Variants in DIP2C observed in about 807,000 individuals in gnomAD.
DIP2C encodes DIP2 acetate--CoA ligase C (putative), also known as disco-interacting protein 2 homolog C.
In DIP2C, 33 loss-of-function variants were observed where a neutral mutation model predicts 192.4. That is an observed-to-expected ratio of 0.17 (90% confidence interval 0.13 to 0.23). The LOEUF (loss-of-function observed/expected upper bound fraction) is 0.23. DIP2C is among the 10% of genes least tolerant of loss of function. The pLI is 1.00. For synonymous variants in DIP2C, 979 were observed against 864.1 expected (o/e 1.13, Z -2.33); for missense variants, 1,537 against 2,110.1 (o/e 0.73, Z 5.32).
At chr10:419,994 G>A (rs986347333) in intron 5 of DIP2C, among the ~76,000 whole-genome samples, 1 of 152,180 alleles carries the variant, frequency 6.6e-6, no homozygotes, top group Admixed American at 6.5e-5. Flanking sequence ...GATGACGCCC[G>A]TCACACCCAG....
At chr10:528,903 T>A (rs765302532) in intron 1 of DIP2C, among the ~76,000 whole-genome samples, 3 of 152,136 alleles carry the variant, frequency 2.0e-5, no homozygotes, top group African/African-American at 4.8e-5. Context: ...GGTCCCCACA[T>A]GAACAGAACC....
intron 3 of DIP2C, among the ~76,000 whole-genome samples, chr10:464,013 T>TA (rs1970005010): frequency 6.6e-6 from 1 of 152,214 alleles, no homozygotes; most frequent in South Asian, 2.1e-4. Flanking sequence ...TTTAAAAACT[T>TA]AAACGTAAGA....
chr10:590,966 C>G (rs534204124), intron 1 of DIP2C, among the ~76,000 whole-genome samples: 1 of 152,270 alleles, frequency 6.6e-6, no homozygotes, highest in Admixed American at 6.5e-5. Context: ...GTTCTTCTGC[C>G]GGTGGCAAGG....
intron 1 of DIP2C, among the ~76,000 whole-genome samples, chr10:677,928 G>C (rs959144490): frequency 1.1e-4 from 17 of 152,240 alleles, no homozygotes; most frequent in Admixed American, 5.2e-4. Flanking sequence ...GCGTGGTCCA[G>C]TGCATGAGGA....
chr10:620,242 GT>G (rs1853771214), intron 1 of DIP2C, among the ~76,000 whole-genome samples: 1 of 152,150 alleles, frequency 6.6e-6, no homozygotes, highest in Non-Finnish European at 1.5e-5. Flanking sequence ...TTATGGGAGT[GT>G]TTCTTGTTCT....
At chr10:364,140 G>A (rs1405303960) in intron 20 of DIP2C, among the ~76,000 whole-genome samples, 2 of 152,186 alleles carry the variant, frequency 1.3e-5, no homozygotes, top group African/African-American at 4.8e-5. Flanking sequence ...ATTATACTTA[G>A]AGGGGAAGTT....
chr10:580,270 C>A (rs757857732), intron 1 of DIP2C, among the ~76,000 whole-genome samples: 1 of 150,940 alleles, frequency 6.6e-6, no homozygotes, highest in African/African-American at 2.5e-5. Flanking sequence ...ATATGCAGTA[C>A]ATAGTGTATG....
Position 651,533 on chromosome 10 carries a change from C to T in DIP2C, c.85+37961G>A. 1 of 477,196 alleles carries T rather than the reference C, an allele frequency of 2.1e-6. No individual in the cohort carries two copies. The highest frequency in any genetic ancestry group is 4.3e-5 in the East Asian group (1 of 23,210). 29.6% of individuals were successfully genotyped at this position (477,196 alleles called of 1,614,324 possible). A position where few individuals can be genotyped will look rare whatever the true frequency, so the allele number is the denominator to read the frequency against. On this transcript the variant is annotated intron_variant, in intron 1 of 36. Transcript: ENST00000280886. The surrounding 1 kb of genome is among the most constrained non-coding windows in gnomAD (Gnocchi z 4.1). ...ACGTGAAGGTATTATGCAAAAAAAG[C>T]TTAACTTTGTTTCAGTGCCTTTCCA...
chr10:508,609 T>C (rs1845790956), intron 1 of DIP2C, among the ~76,000 whole-genome samples: 1 of 152,118 alleles, frequency 6.6e-6, no homozygotes, highest in Admixed American at 6.5e-5. Context: ...CTCTCTGGGA[T>C]GGATGGATGG....
intron 17 of DIP2C, among the ~76,000 whole-genome samples, chr10:382,258 T>C (rs1962437425): frequency 6.6e-6 from 1 of 152,106 alleles, no homozygotes; most frequent in Non-Finnish European, 1.5e-5. Context: ...CCACAGCACA[T>C]GGAAGTCGGT....
intron 1 of DIP2C, among the ~76,000 whole-genome samples, chr10:688,289 G>A (rs1769236): frequency 6.6e-6 from 1 of 151,916 alleles, no homozygotes; most frequent in African/African-American, 2.4e-5. Flanking sequence ...CACACCTCGC[G>A]GAACCCCACA....
intron 4 of DIP2C, among the ~76,000 whole-genome samples, chr10:430,711 T>C (rs1966848548): frequency 6.6e-6 from 1 of 152,232 alleles, no homozygotes; most frequent in Non-Finnish European, 1.5e-5. Context: ...TTTCACACCT[T>C]GCACCTTTGG....
chr10:580,380 ATAAG>A (rs1850547691), intron 1 of DIP2C, among the ~76,000 whole-genome samples: 2 of 152,188 alleles, frequency 1.3e-5, no homozygotes, highest in South Asian at 4.1e-4. Context: ...ATGTATATAT[ATAAG>A]TACACAAATG....
At chr10:586,884 G>A (rs781598298) in intron 1 of DIP2C, among the ~76,000 whole-genome samples, 11 of 151,852 alleles carry the variant, frequency 7.2e-5, no homozygotes, top group Non-Finnish European at 1.0e-4. Flanking sequence ...GGGGAGGGGC[G>A]ACCAGCATGA....
intron 32 of DIP2C, among the ~76,000 whole-genome samples, chr10:307,093 C>G (rs1484376045): frequency 6.6e-6 from 1 of 152,228 alleles, no homozygotes; most frequent in Admixed American, 6.5e-5. Context: ...GCCCCTCTTT[C>G]CCTCCACCAT....
chr10:305,226 GAC>G (rs749329171), intron 32 of DIP2C, among the ~76,000 whole-genome samples: 4 of 152,130 alleles, frequency 2.6e-5, no homozygotes, highest in Admixed American at 2.6e-4. Flanking sequence ...TGCAACACAT[GAC>G]ACAGGCAAGC....
rs948930965 is a variant in DIP2C at position 352,715 on chromosome 10, C to T, written c.2986-3261G>A. 4.6e-5 allele frequency among the ~76,000 whole-genome samples: 7 copies of T among 152,178 alleles called. No homozygotes were observed. The South Asian group carries it at 1.4e-3, about 32-fold the overall frequency. On this transcript the variant is annotated intron_variant, in intron 24 of 36. Coordinates refer to ENST00000280886, the MANE Select transcript of DIP2C (RefSeq NM_014974.3). ...GGCTGGGAGGGACAGTCGCTCCTGG[C>T]TCACGTTGCAGGCTGGCAGTCCCAG...
intron 1 of DIP2C, among the ~76,000 whole-genome samples, chr10:569,084 T>TC (rs1332072659): frequency 6.6e-6 from 1 of 152,114 alleles, no homozygotes; most frequent in African/African-American, 2.4e-5. Context: ...TAAGGTGCGG[T>TC]CAAGGGTCTG....
intron 2 of DIP2C, among the ~76,000 whole-genome samples, chr10:482,408 C>A (rs1451614001): frequency 6.6e-6 from 1 of 152,146 alleles, no homozygotes; most frequent in African/African-American, 2.4e-5. Flanking sequence ...AAGTGTGGGG[C>A]TTAACTCACA....
Sources: gnomAD v4.1 joint callset for allele counts (sites outside exome capture counted in the v4.1 genomes callset) on GRCh38, gnomAD v4.1.1 for gene constraint, Gnocchi (gnomAD v3.1) non-coding constraint, MANE v1.5 for transcripts, NCBI Gene and HGNC (gene_info 2026-07-23, HGNC 2026-07-21) for gene names.